SGCZ: variants seen among roughly 807,000 people sequenced by gnomAD.
The protein encoded by SGCZ is zeta-sarcoglycan.
SGCZ carries 40 observed loss-of-function variants against 41.3 expected under a neutral mutation model. That is an observed-to-expected ratio of 0.97 (90% confidence interval 0.75 to 1.26). SGCZ has a LOEUF of 1.26. Among genes scored for constraint, SGCZ ranks in the 50% most tolerant of loss-of-function variants. The pLI is 0.00. For synonymous variants in SGCZ, 206 were observed against 137.5 expected (o/e 1.50, Z -3.49); for missense variants, 552 against 369.8 (o/e 1.49, Z -4.04).
At chr8:14,631,693 T>G (rs1276986102) in intron 1 of SGCZ, among the ~76,000 whole-genome samples, 2 of 152,110 alleles carry the variant, frequency 1.3e-5, no homozygotes, top group East Asian at 3.9e-4. Context: ...ACATTGACTC[T>G]CATGGTGAGG....
At chr8:15,130,093 T>C (rs1807845317) in intron 1 of SGCZ, among the ~76,000 whole-genome samples, 2 of 152,170 alleles carry the variant, frequency 1.3e-5, no homozygotes, top group Non-Finnish European at 2.9e-5. Context: ...TGGTGTTATC[T>C]GTAATGATAT....
At chr8:15,177,646 G>C (rs1800039618) in intron 1 of SGCZ, among the ~76,000 whole-genome samples, 2 of 152,112 alleles carry the variant, frequency 1.3e-5, no homozygotes, top group African/African-American at 2.4e-5. Context: ...TTCAAAGCAA[G>C]ATAAAGATCT....
chr8:14,136,586 C>T (rs796780250), intron 5 of SGCZ, among the ~76,000 whole-genome samples: 7 of 152,224 alleles, frequency 4.6e-5, no homozygotes, highest in African/African-American at 7.2e-5. Context: ...GAGGTGGCAG[C>T]GAGGCTGGGG....
intron 1 of SGCZ, among the ~76,000 whole-genome samples, chr8:15,184,508 C>CA (rs1563171181): frequency 6.8e-6 from 1 of 147,016 alleles, no homozygotes; most frequent in Non-Finnish European, 1.5e-5. Flanking sequence ...GCATTTTCTC[C>CA]TTTTTTTTTT....
chr8:14,383,478 G>C (rs2117197270), intron 2 of SGCZ, among the ~76,000 whole-genome samples: 1 of 152,296 alleles, frequency 6.6e-6, no homozygotes, highest in African/African-American at 2.4e-5. Flanking sequence ...GCTTCAAAGT[G>C]TCCCACTCTG....
intron 2 of SGCZ, among the ~76,000 whole-genome samples, chr8:14,547,669 C>CATGAG (rs960163841): frequency 6.6e-6 from 1 of 152,096 alleles, no homozygotes; most frequent in African/African-American, 2.4e-5. Flanking sequence ...CGAATATCTC[C>CATGAG]ATGAGATCAA....
chr8:14,098,358 A>T (rs1448326424), intron 7 of SGCZ, among the ~76,000 whole-genome samples: 1 of 152,124 alleles, frequency 6.6e-6, no homozygotes, highest in Non-Finnish European at 1.5e-5. Context: ...TAAGCAAACA[A>T]CAACAAAAAC....
chr8:14,135,922 A>C (rs1803183172), intron 5 of SGCZ, among the ~76,000 whole-genome samples: 3 of 152,190 alleles, frequency 2.0e-5, no homozygotes, highest in Admixed American at 2.0e-4. Flanking sequence ...GTTAGCACCA[A>C]TTTTACATAT....
At chr8:15,186,262 C>CAAAAAAAAAAAAAAAAAAAAA (rs61237091) in intron 1 of SGCZ, among the ~76,000 whole-genome samples, 2 of 80,718 alleles carry the variant, frequency 2.5e-5, no homozygotes, top group African/African-American at 6.5e-5. Flanking sequence ...GATTCCGTAC[C>CAAAAAAAAAAAAAAAAAAAAA]AAAAAAAAAA....
chr8:14,371,693 C>T (rs1803913500), intron 2 of SGCZ, among the ~76,000 whole-genome samples: 1 of 152,008 alleles, frequency 6.6e-6, no homozygotes, highest in Admixed American at 6.6e-5. Flanking sequence ...CAGTCATTTA[C>T]TCAGTTAGCT....
intron 2 of SGCZ, among the ~76,000 whole-genome samples, chr8:14,510,746 T>C (rs1182053963): frequency 6.6e-6 from 1 of 152,152 alleles, no homozygotes; most frequent in Non-Finnish European, 1.5e-5. Context: ...CTCAGAACAT[T>C]TACTTTAGAA....
chr8:15,108,276 T>C (rs2131094378), intron 1 of SGCZ, among the ~76,000 whole-genome samples: 1 of 152,328 alleles, frequency 6.6e-6, no homozygotes, highest in Admixed American at 6.5e-5. Context: ...CAGTTATTTT[T>C]TTTAGGACAG....
chr8:14,455,455 T>TACACACACACACACACAC (rs5889534), intron 2 of SGCZ, among the ~76,000 whole-genome samples: 14 of 144,350 alleles, frequency 9.7e-5, no homozygotes, highest in South Asian at 2.3e-4. Context: ...TTTGCATGCA[T>TACACACACACACACACAC]ACACACACAC....
chr8:14,134,923 C>A (rs1483769997), intron 5 of SGCZ, among the ~76,000 whole-genome samples: 1 of 152,124 alleles, frequency 6.6e-6, no homozygotes, highest in Non-Finnish European at 1.5e-5. Flanking sequence ...TAAATTAAAA[C>A]TTTAACATAA....
Position 15,218,347 on chromosome 8 carries a change from G to C in SGCZ, c.39+19238C>G, listed in dbSNP as rs539131163. Among the ~76,000 whole-genome samples, 43 of 152,260 alleles carry C rather than the reference G, an allele frequency of 2.8e-4. 1 individual carries two copies. Among genetic ancestry groups the C allele is most frequent in the Admixed American group, 9.8e-4 (15 of 15,298 alleles). ...AACCTGAGACTAGTTTAGCAAAAAA[G>C]TAGTTAAACTTGGTGAGATGTGAAA... is the stretch of plus-strand genomic sequence containing the variant. On this transcript the variant is annotated intron_variant, in intron 1 of 7. Transcript: ENST00000382080.
chr8:14,948,374 C>T (rs1800522364), intron 1 of SGCZ, among the ~76,000 whole-genome samples: 1 of 152,088 alleles, frequency 6.6e-6, no homozygotes, highest in South Asian at 2.1e-4. Context: ...CTAAAATTCA[C>T]TCATACCACT....
At chr8:15,058,794 G>A (rs909933772) in intron 1 of SGCZ, among the ~76,000 whole-genome samples, 5 of 151,970 alleles carry the variant, frequency 3.3e-5, no homozygotes, top group Admixed American at 1.3e-4. Context: ...ACAGGTTATA[G>A]GATATGTTAC....
At chr8:14,816,872 G>T (rs144305496) in intron 1 of SGCZ, among the ~76,000 whole-genome samples, 1 of 152,178 alleles carries the variant, frequency 6.6e-6, no homozygotes, top group Admixed American at 6.5e-5. Context: ...AAGAGAATAT[G>T]TTATATTTTC....
At chr8:14,890,711 G>C (rs188028612) in intron 1 of SGCZ, among the ~76,000 whole-genome samples, 1 of 152,310 alleles carries the variant, frequency 6.6e-6, no homozygotes, top group African/African-American at 2.4e-5. Context: ...AGATGAAATT[G>C]CCTTCCATTG....
Sources: allele counts gnomAD v4.1 joint callset (sites outside exome capture counted in the v4.1 genomes callset), GRCh38; gene constraint gnomAD v4.1.1; transcripts MANE v1.5; gene names NCBI Gene and HGNC (gene_info 2026-07-23, HGNC 2026-07-21).